Variants in PCNX3 observed in about 807,000 individuals in gnomAD.
The protein encoded by PCNX3 is pecanex-like protein 3.
Under a neutral mutation model 207.2 loss-of-function variants are expected in PCNX3, and 58 were observed. That is an observed-to-expected ratio of 0.28 (90% confidence interval 0.23 to 0.35). The LOEUF (loss-of-function observed/expected upper bound fraction) is 0.35. Ranked by LOEUF, PCNX3 falls within the 10% of genes least tolerant of loss-of-function variation. The pLI is 1.00. For synonymous variants in PCNX3, 1,337 were observed against 1,183.5 expected (o/e 1.13, Z -2.66); for missense variants, 2,410 against 2,774.4 (o/e 0.87, Z 2.95).
rs756303186 is a variant in PCNX3, at chr11:65,629,683, C to T, written c.4164C>T (p.Ile1388=). The T allele has an allele frequency of 8.3e-6, 13 of 1,566,404 alleles. No individual in the cohort carries two copies. The highest frequency in any genetic ancestry group is 2.3e-5 in the South Asian group (2 of 85,546). The change falls in exon 26 of 35, where the codon ATC becomes ATT. Residue 1388 remains isoleucine (I), a synonymous_variant. Transcript: ENST00000355703. ...ACCTCAACGCCCTGGTGCACCTCATCGAGGTTGGCAATGGCCTCGTCACCT... is the reference window on the plus strand; with the variant it reads ...ACCTCAACGCCCTGGTGCACCTCATTGAGGTTGGCAATGGCCTCGTCACCT... The part of the protein sequence containing the change: ...SDYLNALVHL[I]EVGNGLVTFQ...
At position 65,618,657 on chromosome 11, in the gene PCNX3, C is replaced by T. The variant is rs201519588; in HGVS notation, c.1295C>T (p.Pro432Leu). 4.4e-4 allele frequency: 716 copies of T among 1,613,186 alleles called. No individual in the cohort carries two copies. The highest frequency in any genetic ancestry group is 5.7e-4 in the Non-Finnish European group (673 of 1,179,830). Residue 432 changes from proline (P) to leucine (L), a missense_variant, in exon 6 of 35, where the codon CCG (proline) becomes CTG (leucine). Coordinates refer to ENST00000355703, the MANE Select transcript of PCNX3 (RefSeq NM_032223.4). ...EDTSEGSELSPASSLRSQRRY... is the reference protein window; with the variant it reads ...EDTSEGSELSLASSLRSQRRY... ...ACTAGTGAGGGCAGTGAACTGAGCC[C>T]GGCCTCCAGTCTCCGATCGCAGCGC...
At chr11:65,624,646 G>A (rs1855285523) in intron 15 of PCNX3, 65 bp downstream of exon 15, 1 of 1,426,524 alleles carries the variant, frequency 7.0e-7, no homozygotes, top group Non-Finnish European at 9.7e-7. Context: ...CCCTCGGATT[G>A]GGTCCTTGGC....
At chr11:65,630,151 G>A (rs1241815566) in intron 26 of PCNX3, among the ~76,000 whole-genome samples, 200 bp from the exon 27 acceptor site, 2 of 151,992 alleles carry the variant, frequency 1.3e-5, no homozygotes, top group Non-Finnish European at 2.9e-5. Flanking sequence ...GCTCCCTCCC[G>A]CCCTGCCCTT....
In PCNX3 at chr11:65,627,436, C is replaced by G; in HGVS notation, c.3556C>G (p.Leu1186Val). Residue 1186 changes from leucine (L) to valine (V), a missense_variant, in exon 22 of 35, where the codon CTG becomes GTG. By Grantham distance (32) the Leu-to-Val change is conservative. Transcript: ENST00000355703. ...GGCGCTGCTGATGACCGTGGCTGGG[C>G]TGAAGCTGCTGCGCTCAGCCTTCTG... ...CRALLMTVAGLKLLRSAFCCP... is the reference protein window; with the variant it reads ...CRALLMTVAGVKLLRSAFCCP... The G allele has an allele frequency of 6.2e-7, 1 of 1,612,158 alleles. No homozygotes were observed. The highest frequency in any genetic ancestry group is 2.2e-5 in the East Asian group (1 of 44,880).
chr11:65,616,712 G>A (rs1314988150), intron 1 of PCNX3, 112 bp from the exon 2 acceptor site: 7 of 1,216,208 alleles, frequency 5.8e-6, no homozygotes, highest in Non-Finnish European at 8.1e-6. Context: ...TGTGTGGAGA[G>A]GTGATGAAAT....
At chr11:65,626,792 C>T in intron 20 of PCNX3, 112 bp from the exon 21 acceptor site, 1 of 1,485,950 alleles carries the variant, frequency 6.7e-7, no homozygotes. Context: ...AGCCCCTCCC[C>T]CCAGGGTCTC....
rs755455595 is a variant in PCNX3 at position 65,636,465 on chromosome 11, C to T, written c.5668C>T (p.Arg1890Trp). The T allele has an allele frequency of 8.3e-5, 130 of 1,557,768 alleles. No individual in the cohort carries two copies. The highest frequency in any genetic ancestry group is 1.7e-4 in the Middle Eastern group (1 of 5,806). Residue 1890 changes from arginine to tryptophan, a missense_variant, in exon 34 of 35, where the codon CGG becomes TGG. Physicochemically the swap from Arg to Trp is moderately radical, Grantham distance 101 (BLOSUM62 -3). Coordinates refer to ENST00000355703, the MANE Select transcript of PCNX3 (RefSeq NM_032223.4). ...RSSLSGSGDG[R>W]PPPLLQWPPP... ...CTCCCTGAGTGGCTCTGGTGATGGG[C>T]GGCCCCCACCTCTGCTGCAGTGGCC...
chr11:65,618,586 TCGA>T lies in PCNX3; in HGVS notation c.1227_1229del (p.Arg410del). ...GACACTCTCCACCTGGCCGTGCCCCTCGACGGCCCCTGCTTGAAGGTGGGGGCT... is the reference window on the plus strand; with the variant it reads ...GACACTCTCCACCTGGCCGTGCCCCTCGGCCCCTGCTTGAAGGTGGGGGCT... On this transcript the variant is annotated inframe_deletion, in exon 6 of 35. Transcript: ENST00000355703. 1.2e-6 allele frequency: 2 copies of T among 1,612,030 alleles called. No homozygotes were observed. Among genetic ancestry groups the T allele is most frequent in the Non-Finnish European group, 1.7e-6 (2 of 1,179,752 alleles).
chr11:65,626,195 CCT>C (rs1261415568), intron 20 of PCNX3, 141 bp downstream of exon 20: 2 of 1,198,696 alleles, frequency 1.7e-6, no homozygotes, highest in Admixed American at 2.0e-5. Flanking sequence ...CCCTCCCTGC[CCT>C]CTGTGTCCGT....
intron 8 of PCNX3, 56 bp from the exon 9 acceptor site, chr11:65,620,283 G>A: frequency 9.1e-6 from 14 of 1,535,046 alleles, no homozygotes; most frequent in South Asian, 4.8e-5. Flanking sequence ...CACGTGAGCC[G>A]GGCCTTGGTG....
intron 27 of PCNX3, among the ~76,000 whole-genome samples, chr11:65,632,372 GA>G (rs564501985): frequency 3.6e-4 from 54 of 151,742 alleles, no homozygotes; most frequent in Admixed American, 5.3e-4. Context: ...CAGCTGCAGG[GA>G]TAGGTCCTTT....
Position 65,625,320 on chromosome 11 carries a change from A to G in PCNX3, c.3029+40A>G, listed in dbSNP as rs772818173. ...GGTCGTGTGTTTGTGTCTGCCCAGT[A>G]GGGGTTTGTGGTCTGTGCATGTGCC... On this transcript the variant is annotated intron_variant, in intron 17 of 34. Transcript: ENST00000355703. The surrounding 1 kb of genome is among the most constrained non-coding windows in gnomAD (Gnocchi z 5.6). The G allele has an allele frequency of 7.4e-5, 118 of 1,592,296 alleles. No individual in the cohort carries two copies. Among genetic ancestry groups the G allele is most frequent in the Non-Finnish European group, 1.0e-4 (117 of 1,168,246 alleles).
rs773085193 is a variant in PCNX3, at chr11:65,636,568, C to T, written c.5771C>T (p.Pro1924Leu). The part of the protein sequence containing the change: ...EGPRTSRPPG[P>L]GLLSSEGPSG... ...CCCCGGACCTCACGGCCCCCTGGCC[C>T]GGGTCTCCTCAGTTCTGAGGGCCCC... Residue 1924 changes from proline to leucine, a missense_variant, in exon 34 of 35, where the codon CCG (proline) becomes CTG (leucine). Pro to Leu is a moderately conservative substitution (Grantham distance 98). Coordinates refer to ENST00000355703, the MANE Select transcript of PCNX3 (RefSeq NM_032223.4). 5.8e-5 allele frequency: 92 copies of T among 1,594,910 alleles called. No individual in the cohort carries two copies. The highest frequency in any genetic ancestry group is 9.0e-5 in the East Asian group (4 of 44,244).
Position 65,636,999 on chromosome 11 carries a change from C to G in PCNX3, c.*21C>G. On this transcript the variant is annotated 3_prime_UTR_variant, in exon 35 of 35. Coordinates refer to ENST00000355703, the MANE Select transcript of PCNX3 (RefSeq NM_032223.4). The stretch of plus-strand genomic sequence containing the variant: ...ACTGAGCTACCTGGCGCCCACTGGA[C>G]CACCTCCTAGGATTCAGTAACGGAC... 1.3e-6 allele frequency: 2 copies of G among 1,555,822 alleles called. No homozygotes were observed. The highest frequency in any genetic ancestry group is 1.7e-6 in the Non-Finnish European group (2 of 1,153,990).
At chr11:65,623,191 C>T (rs1855202758) in intron 11 of PCNX3, among the ~76,000 whole-genome samples, 1 of 152,238 alleles carries the variant, frequency 6.6e-6, no homozygotes, top group Non-Finnish European at 1.5e-5. Context: ...TAGCCACGTG[C>T]AGTTAACTCA....
rs376623806 is a variant in PCNX3 at position 65,617,655 on chromosome 11, G to A, written c.526G>A (p.Val176Met). The A allele has an allele frequency of 3.2e-5, 51 of 1,596,276 alleles. No individual in the cohort carries two copies. The highest frequency in any genetic ancestry group is 1.4e-4 in the Admixed American group (8 of 55,924). Reference sequence around the variant, plus strand: ...GGAGCAGGGCAGCAACAATGTGATCGTGACTTCTGCCGACCGAGAGATGCT... The same window carrying A: ...GGAGCAGGGCAGCAACAATGTGATCATGACTTCTGCCGACCGAGAGATGCT... Reference protein sequence around the residue: ...VREQGSNNVIVTSADREMLKL... With the variant: ...VREQGSNNVIMTSADREMLKL... Residue 176 changes from valine to methionine, a missense_variant, in exon 5 of 35, where the codon GTG becomes ATG. Transcript: ENST00000355703.
intron 20 of PCNX3, chr11:65,626,522 C>T: frequency 2.4e-6 from 1 of 409,910 alleles, no homozygotes; most frequent in Non-Finnish European, 4.6e-6. Flanking sequence ...ATTTTGCTTC[C>T]CAGACTAGCA....
chr11:65,624,408 C>G, intron 14 of PCNX3, 42 bp downstream of exon 14: 3 of 1,551,116 alleles, frequency 1.9e-6, no homozygotes, highest in Non-Finnish European at 2.6e-6. Context: ...GAGAGTGAGT[C>G]CCCGAGGGTG....
intron 1 of PCNX3, 116 bp from the exon 2 acceptor site, chr11:65,616,708 G>A (rs1007655024): frequency 5.1e-6 from 6 of 1,181,278 alleles, no homozygotes; most frequent in East Asian, 2.5e-5. Flanking sequence ...TGGTTGTGTG[G>A]AGAGGTGATG....
Sources: gnomAD v4.1 joint callset for allele counts (sites outside exome capture counted in the v4.1 genomes callset) on GRCh38, gnomAD v4.1.1 for gene constraint, Gnocchi (gnomAD v3.1) non-coding constraint, MANE v1.5 for transcripts, NCBI Gene and HGNC (gene_info 2026-07-23, HGNC 2026-07-21) for gene names.